The following LRRC4C variants were observed in gnomAD, a reference collection of about 807,000 sequenced individuals.
LRRC4C encodes the protein leucine-rich repeat-containing protein 4C.
LRRC4C carries 5 observed loss-of-function variants against 33.6 expected under a neutral mutation model. That is an observed-to-expected ratio of 0.15 (90% CI 0.08 to 0.31). The LOEUF (loss-of-function observed/expected upper bound fraction) is 0.31. Ranked by LOEUF, LRRC4C falls within the 10% of genes least tolerant of loss-of-function variation. The pLI is 1.00. For missense variants in LRRC4C, 560 were observed against 796.7 expected (o/e 0.70, Z 3.58); for synonymous variants, 329 against 302.0 (o/e 1.09, Z -0.93).
chr11:40,272,653 T>C (rs1046386967), intron 4 of LRRC4C, among the ~76,000 whole-genome samples: 2 of 152,150 alleles, frequency 1.3e-5, no homozygotes, highest in African/African-American at 4.8e-5. Flanking sequence ...TCTGTTCCAC[T>C]CCTAGCACAT....
intron 3 of LRRC4C, among the ~76,000 whole-genome samples, chr11:40,469,486 A>G (rs4312053): frequency 0.14 from 21,152 of 151,990 alleles, 1,531 homozygotes; most frequent in Non-Finnish European, 0.15. Context: ...AGCTGCAGGA[A>G]TTTTTTGTCA....
At chr11:41,371,697 G>A (rs1161520830) in intron 1 of LRRC4C, among the ~76,000 whole-genome samples, 2 of 152,178 alleles carry the variant, frequency 1.3e-5, no homozygotes, top group Non-Finnish European at 2.9e-5. Flanking sequence ...AAATATTTAT[G>A]GGGAAGAATA....
At chr11:40,803,724 C>T (rs58500251) in intron 2 of LRRC4C, among the ~76,000 whole-genome samples, 7,009 of 152,216 alleles carry the variant, frequency 0.046, 403 homozygotes, top group African/African-American at 0.13. Context: ...CCACCCGCCT[C>T]GGCCTCCCAA....
chr11:40,973,958 T>C (rs1436976243), intron 1 of LRRC4C, among the ~76,000 whole-genome samples: 8 of 152,152 alleles, frequency 5.3e-5, no homozygotes, highest in Non-Finnish European at 1.0e-4. Flanking sequence ...TCTAAGTCAC[T>C]ACCTGGAGGG....
intron 1 of LRRC4C, among the ~76,000 whole-genome samples, chr11:40,985,362 T>C (rs1852923345): frequency 7.0e-6 from 1 of 142,056 alleles, no homozygotes; most frequent in African/African-American, 2.5e-5. Flanking sequence ...TGTGTTTCAG[T>C]TAATAGGGGG....
chr11:41,190,959 T>C (rs111858119), intron 1 of LRRC4C, among the ~76,000 whole-genome samples: 7 of 152,294 alleles, frequency 4.6e-5, no homozygotes, highest in African/African-American at 1.7e-4. Flanking sequence ...AATGAGAATT[T>C]GAATGATGAA....
At chr11:40,901,999 T>TACAC (rs369525560) in intron 2 of LRRC4C, among the ~76,000 whole-genome samples, 2,431 of 139,774 alleles carry the variant, frequency 0.017, 31 homozygotes, top group Middle Eastern at 0.026. Context: ...TCTCTCTCTC[T>TACAC]ACACACACAC....
intron 2 of LRRC4C, among the ~76,000 whole-genome samples, chr11:40,877,765 A>G (rs1294498035): frequency 6.6e-6 from 1 of 152,030 alleles, no homozygotes; most frequent in Non-Finnish European, 1.5e-5. Flanking sequence ...TCACATTAAA[A>G]CAACAACAAC....
At chr11:40,501,319 T>C (rs995092855) in intron 3 of LRRC4C, among the ~76,000 whole-genome samples, 1 of 152,134 alleles carries the variant, frequency 6.6e-6, no homozygotes, top group Non-Finnish European at 1.5e-5. Context: ...AGTGGCTCCC[T>C]TCTCACAGCT....
chr11:40,711,354 C>T (rs1177376171), intron 2 of LRRC4C, among the ~76,000 whole-genome samples: 1 of 152,106 alleles, frequency 6.6e-6, no homozygotes, highest in Admixed American at 6.6e-5. Context: ...TTTTACAACA[C>T]CCAAGTCCAT....
At chr11:40,458,548 C>G (rs915556749) in intron 3 of LRRC4C, among the ~76,000 whole-genome samples, 30 of 152,172 alleles carry the variant, frequency 2.0e-4, no homozygotes, top group African/African-American at 6.8e-4. Context: ...TGAAGTTTCT[C>G]TGTTCTTTCT....
At chr11:40,937,702 G>A (rs1347354580) in intron 1 of LRRC4C, among the ~76,000 whole-genome samples, 1 of 151,626 alleles carries the variant, frequency 6.6e-6, no homozygotes, top group African/African-American at 2.4e-5. Context: ...GAGTGAAGTG[G>A]CGTGATCATG....
intron 1 of LRRC4C, among the ~76,000 whole-genome samples, chr11:41,264,223 CT>C: frequency 6.6e-6 from 1 of 151,520 alleles, no homozygotes. Flanking sequence ...TTCTGAGTAG[CT>C]GGGACTACAG....
chr11:40,893,436 C>T (rs921284541), intron 2 of LRRC4C, among the ~76,000 whole-genome samples: 5 of 151,934 alleles, frequency 3.3e-5, no homozygotes, highest in African/African-American at 1.2e-4. Flanking sequence ...ATACCCTGTT[C>T]ACCTTGATGT....
intron 3 of LRRC4C, among the ~76,000 whole-genome samples, chr11:40,548,159 T>A (rs996678426): frequency 6.6e-6 from 1 of 151,584 alleles, no homozygotes; most frequent in Non-Finnish European, 1.5e-5. Context: ...CTGAAGAAAA[T>A]AAAAATCGGA....
chr11:41,426,666 T>C (rs1955054001), intron 1 of LRRC4C, among the ~76,000 whole-genome samples: 1 of 152,208 alleles, frequency 6.6e-6, no homozygotes, highest in African/African-American at 2.4e-5. Context: ...TCTATTAATA[T>C]ATAGCAAACC....
At chr11:41,406,906 T>C (rs762580083) in intron 1 of LRRC4C, among the ~76,000 whole-genome samples, 45 of 152,294 alleles carry the variant, frequency 3.0e-4, no homozygotes, top group Non-Finnish European at 4.7e-4. Flanking sequence ...TTTTGAGTGA[T>C]TGGTAACTTC....
intron 2 of LRRC4C, among the ~76,000 whole-genome samples, chr11:40,784,614 TTTGA>T (rs1447688921): frequency 1.3e-5 from 2 of 152,234 alleles, no homozygotes; most frequent in African/African-American, 4.8e-5. Context: ...TTATTCTTGT[TTTGA>T]TTGTTTGCAG....
intron 5 of LRRC4C, among the ~76,000 whole-genome samples, chr11:40,196,653 G>A (rs1166569428): frequency 6.6e-6 from 1 of 152,140 alleles, no homozygotes; most frequent in African/African-American, 2.4e-5. Flanking sequence ...TTTCTCATTG[G>A]AAAGGCAGAG....
Sources: allele counts gnomAD v4.1 joint callset (sites outside exome capture counted in the v4.1 genomes callset), GRCh38; gene constraint gnomAD v4.1.1; transcripts MANE v1.5; gene names NCBI Gene and HGNC (gene_info 2026-07-23, HGNC 2026-07-21).